DLGAP2: variants seen among roughly 807,000 people sequenced by gnomAD.
The protein encoded by DLGAP2 is disks large-associated protein 2.
DLGAP2 carries 26 observed loss-of-function variants against 100.3 expected under a neutral mutation model. The ratio of observed to expected loss-of-function variants is 0.26; its 90% CI spans 0.19 to 0.36. The LOEUF (loss-of-function observed/expected upper bound fraction) is 0.36, where lower values mean the gene tolerates loss of function less well. Among genes scored for constraint, DLGAP2 ranks in the 10% least tolerant of loss-of-function variants. DLGAP2 has a pLI of 1.00. For synonymous variants in DLGAP2, 886 were observed against 630.1 expected, an observed-to-expected ratio of 1.41 and a Z score of -6.08; for missense variants, 1,858 against 1,453.2, an observed-to-expected ratio of 1.28 and a Z score of -4.53.
At chr8:1,176,527 G>A (rs570270914) in intron 2 of DLGAP2, among the ~76,000 whole-genome samples, 3 of 152,298 alleles carry the variant, frequency 2.0e-5, no homozygotes, top group South Asian at 4.1e-4. Context: ...TGCCCTCACA[G>A]CCGCCCTGTG....
chr8:1,191,460 G>C (rs572186455), intron 2 of DLGAP2, among the ~76,000 whole-genome samples: 2 of 152,178 alleles, frequency 1.3e-5, no homozygotes, highest in African/African-American at 2.4e-5. Flanking sequence ...GTGAGCCACC[G>C]CGCCCAGCCG....
At chr8:1,645,173 C>G (rs1381173719) in intron 8 of DLGAP2, among the ~76,000 whole-genome samples, 1 of 152,246 alleles carries the variant, frequency 6.6e-6, no homozygotes, top group African/African-American at 2.4e-5. Context: ...AACATCAGTA[C>G]AGACCACCTT....
At chr8:1,248,304 G>GA (rs1419556795) in intron 2 of DLGAP2, among the ~76,000 whole-genome samples, 4 of 100,448 alleles carry the variant, frequency 4.0e-5, no homozygotes, top group African/African-American at 4.8e-5. Flanking sequence ...ATCAGTGTGG[G>GA]AGTAATGGCC....
intron 1 of DLGAP2, among the ~76,000 whole-genome samples, chr8:746,945 C>G (rs1368265857): frequency 1.3e-5 from 2 of 152,158 alleles, no homozygotes; most frequent in Admixed American, 1.3e-4. Context: ...GACACCTTTG[C>G]AGTAAGGAAA....
chr8:1,548,663 T>C lies in DLGAP2; in HGVS notation c.210T>C (p.Asn70=). 6.3e-7 allele frequency: 1 copy of C among 1,585,638 alleles called. No individual in the cohort carries two copies. The highest frequency in any genetic ancestry group is 8.6e-7 in the Non-Finnish European group (1 of 1,167,756). Residue 70 remains asparagine (N), a synonymous_variant, in exon 5 of 15, where the codon AAT becomes AAC. Coordinates refer to ENST00000637795, the MANE Select transcript of DLGAP2 (RefSeq NM_001346810.2). ...CATGGTCGCCCACGCAGCACTTCAA[T>C]GAGGAGCGCTACTCGCCCGCGCCCA... ...QYSWSPTQHF[N]EERYSPAPRS...
intron 10 of DLGAP2, among the ~76,000 whole-genome samples, chr8:1,676,178 G>C (rs1210032730): frequency 6.6e-6 from 1 of 152,154 alleles, no homozygotes; most frequent in African/African-American, 2.4e-5. Context: ...GGTTCATGCT[G>C]TACTTTCTTC....
At chr8:1,540,783 G>A (rs1801336583) in intron 4 of DLGAP2, among the ~76,000 whole-genome samples, 1 of 152,230 alleles carries the variant, frequency 6.6e-6, no homozygotes, top group Admixed American at 6.5e-5. Flanking sequence ...TATGAAATAT[G>A]GCAACCATAC....
intron 1 of DLGAP2, among the ~76,000 whole-genome samples, chr8:764,222 C>T (rs1416751599): frequency 6.6e-6 from 1 of 152,142 alleles, no homozygotes; most frequent in Non-Finnish European, 1.5e-5. Context: ...GAGTCACAGG[C>T]GTGGATTTAG....
At chr8:1,272,559 C>G (rs1432125538) in intron 3 of DLGAP2, among the ~76,000 whole-genome samples, 1 of 152,056 alleles carries the variant, frequency 6.6e-6, no homozygotes, top group Non-Finnish European at 1.5e-5. Flanking sequence ...CATACAAATT[C>G]TGTAACATTT....
chr8:800,343 T>A (rs1382172482), intron 1 of DLGAP2, among the ~76,000 whole-genome samples: 2 of 152,184 alleles, frequency 1.3e-5, no homozygotes, highest in African/African-American at 4.8e-5. Context: ...TTCTGTGATG[T>A]TTGTTTGGTG....
At chr8:1,259,375 G>T (rs1023787860) in intron 3 of DLGAP2, among the ~76,000 whole-genome samples, 1 of 152,202 alleles carries the variant, frequency 6.6e-6, no homozygotes, top group East Asian at 1.9e-4. Flanking sequence ...TTTAAAACAC[G>T]CGGCAAAGTA....
At chr8:1,435,408 A>G (rs1320311907) in intron 3 of DLGAP2, among the ~76,000 whole-genome samples, 1 of 152,092 alleles carries the variant, frequency 6.6e-6, no homozygotes. Flanking sequence ...GCCCTGTAAG[A>G]TTATCATCAG....
At chr8:888,994 G>T (rs1223764380) in intron 1 of DLGAP2, among the ~76,000 whole-genome samples, 1 of 152,144 alleles carries the variant, frequency 6.6e-6, no homozygotes, top group Non-Finnish European at 1.5e-5. Context: ...AGGGAGATAG[G>T]GGTGGGGCCA....
intron 2 of DLGAP2, among the ~76,000 whole-genome samples, chr8:1,147,218 A>T (rs1451742377): frequency 1.3e-5 from 2 of 152,164 alleles, no homozygotes; most frequent in African/African-American, 4.8e-5. Flanking sequence ...TATCATAGGT[A>T]TTCGATATTT....
chr8:1,637,856 G>C (rs1341930485), intron 8 of DLGAP2, among the ~76,000 whole-genome samples: 1 of 152,196 alleles, frequency 6.6e-6, no homozygotes, highest in Non-Finnish European at 1.5e-5. Context: ...GATGGCTCTG[G>C]AAACCCAGGG....
intron 3 of DLGAP2, among the ~76,000 whole-genome samples, chr8:1,483,858 A>G (rs761213283): frequency 2.0e-5 from 3 of 152,216 alleles, no homozygotes; most frequent in Non-Finnish European, 4.4e-5. Flanking sequence ...TTTGCTCACA[A>G]TTGTTCATTG....
At chr8:770,204 G>C (rs1169122324) in intron 1 of DLGAP2, among the ~76,000 whole-genome samples, 2 of 152,132 alleles carry the variant, frequency 1.3e-5, no homozygotes, top group East Asian at 1.9e-4. Flanking sequence ...CTGGAGTTGT[G>C]GAGTTAGTGA....
At position 798,152 on chromosome 8, in the gene DLGAP2, G is replaced by A. The variant is rs1015049875; in HGVS notation, c.18+60327G>A. On this transcript the variant is annotated intron_variant, in intron 1 of 14. Coordinates refer to ENST00000637795, the MANE Select transcript of DLGAP2 (RefSeq NM_001346810.2). Reference sequence around the variant, plus strand: ...AGCTGAAAGATCTGCAAAGGGGCTGGTTCTCTGTCCTGGCACTCCCCGTGG... The same window carrying A: ...AGCTGAAAGATCTGCAAAGGGGCTGATTCTCTGTCCTGGCACTCCCCGTGG... 3.3e-5 allele frequency among the ~76,000 whole-genome samples: 5 copies of A among 152,272 alleles called. No homozygotes were observed. The South Asian group carries it at 1.0e-3, about 31-fold the overall frequency.
intron 12 of DLGAP2, among the ~76,000 whole-genome samples, chr8:1,684,754 G>A (rs1259297071): frequency 6.6e-6 from 1 of 151,854 alleles, no homozygotes; most frequent in South Asian, 2.1e-4. Context: ...AACCAAATGG[G>A]TAAATACATA....
Sources: allele counts gnomAD v4.1 joint callset (sites outside exome capture counted in the v4.1 genomes callset), GRCh38; gene constraint gnomAD v4.1.1; transcripts MANE v1.5; gene names NCBI Gene and HGNC (gene_info 2026-07-23, HGNC 2026-07-21).